The following GRIN2A variants were observed in gnomAD, a reference collection of about 807,000 sequenced individuals.
GRIN2A encodes glutamate receptor ionotropic, NMDA 2A.
In GRIN2A, 22 loss-of-function variants were observed where a neutral mutation model predicts 113.4. The ratio of observed to expected loss-of-function variants is 0.19; its 90% confidence interval spans 0.14 to 0.28. The LOEUF (loss-of-function observed/expected upper bound fraction) is 0.28, where lower values mean the gene tolerates loss of function less well. Ranked by LOEUF, GRIN2A falls within the 10% of genes least tolerant of loss-of-function variation. GRIN2A has a pLI of 1.00. For synonymous variants in GRIN2A, 827 were observed against 738.4 expected, an observed-to-expected ratio of 1.12 and a Z score of -1.94; for missense variants, 1,502 against 1,887.0, an observed-to-expected ratio of 0.80 and a Z score of 3.78.
At chr16:9,967,674 G>A (rs1315906477) in intron 2 of GRIN2A, among the ~76,000 whole-genome samples, 1 of 152,046 alleles carries the variant, frequency 6.6e-6, no homozygotes, top group Non-Finnish European at 1.5e-5. Flanking sequence ...CCATTGCACT[G>A]CATCCTGGGC....
intron 2 of GRIN2A, among the ~76,000 whole-genome samples, chr16:10,046,265 T>C (rs2047255396): frequency 6.6e-6 from 1 of 151,982 alleles, no homozygotes; most frequent in Admixed American, 6.6e-5. Context: ...CATATCTAGA[T>C]CACATCTTAT....
At chr16:9,954,251 G>C (rs2045254353) in intron 2 of GRIN2A, among the ~76,000 whole-genome samples, 1 of 152,102 alleles carries the variant, frequency 6.6e-6, no homozygotes, top group African/African-American at 2.4e-5. Context: ...TTTCACCCCG[G>C]ACATCACCTT....
At position 10,180,294 on chromosome 16, in the gene GRIN2A, G is replaced by C; in HGVS notation, c.118C>G (p.Leu40Val). 1.2e-6 allele frequency: 2 copies of C among 1,612,678 alleles called. No individual in the cohort carries two copies. Among genetic ancestry groups the C allele is most frequent in the Non-Finnish European group, 1.7e-6 (2 of 1,179,986 alleles). Residue 40 changes from leucine (L) to valine (V), a missense_variant, in exon 2 of 13, where the codon CTG (leucine) becomes GTG (valine). By Grantham distance (32) the Leu-to-Val change is conservative (BLOSUM62 1). Around this residue, in one of 7 missense-constraint regions of GRIN2A, gnomAD observed 149 missense variants for 179.1 expected, o/e 0.83. Coordinates refer to ENST00000330684, the MANE Select transcript of GRIN2A (RefSeq NM_001134407.3). This position sits in a 1 kb window ranked among gnomAD's most constrained non-coding sequence, Gnocchi z 7.0. The part of the protein sequence containing the change: ...GPPALNIAVM[L>V]GHSHDVTERE... ...TCTGTCACGTCGTGGCTGTGACCCA[G>C]CATCACCGCAATATTTAGCGCGGGG...
At chr16:9,966,789 C>G (rs1348374602) in intron 2 of GRIN2A, among the ~76,000 whole-genome samples, 1 of 152,160 alleles carries the variant, frequency 6.6e-6, no homozygotes, top group Non-Finnish European at 1.5e-5. Flanking sequence ...AAAACACAGA[C>G]TGACAATCCC....
chr16:9,975,278 T>C (rs1171674806), intron 2 of GRIN2A, among the ~76,000 whole-genome samples: 1 of 152,130 alleles, frequency 6.6e-6, no homozygotes, highest in Non-Finnish European at 1.5e-5. Context: ...TGTGTTATGT[T>C]ACATGAAAAA....
At chr16:10,143,379 C>A (rs28760575) in intron 2 of GRIN2A, among the ~76,000 whole-genome samples, 162 of 152,202 alleles carry the variant, frequency 1.1e-3, no homozygotes, top group African/African-American at 3.6e-3. Context: ...AGGAGCCATT[C>A]TACTATATTA....
At chr16:9,962,091 C>T (rs865860412) in intron 2 of GRIN2A, among the ~76,000 whole-genome samples, 19 of 152,158 alleles carry the variant, frequency 1.2e-4, no homozygotes, top group Admixed American at 2.6e-4. Context: ...CCCTTCCTTA[C>T]ACCTTATACA....
intron 11 of GRIN2A, among the ~76,000 whole-genome samples, chr16:9,785,656 T>C (rs1013942099): frequency 6.6e-6 from 1 of 151,942 alleles, no homozygotes; most frequent in African/African-American, 2.4e-5. Flanking sequence ...TTAAAAGTTA[T>C]AAAATATTAT....
intron 2 of GRIN2A, among the ~76,000 whole-genome samples, chr16:10,126,591 T>C (rs2048940836): frequency 6.6e-6 from 1 of 152,226 alleles, no homozygotes; most frequent in African/African-American, 2.4e-5. Context: ...ATTTTTCTTT[T>C]AGGGTGTTTT....
chr16:9,899,355 A>G (rs1159833854), intron 3 of GRIN2A, among the ~76,000 whole-genome samples: 2 of 147,874 alleles, frequency 1.4e-5, no homozygotes, highest in Non-Finnish European at 3.0e-5. Flanking sequence ...CAGGAGAACC[A>G]CTTGAATCCA....
At chr16:10,102,348 C>A (rs1419900777) in intron 2 of GRIN2A, among the ~76,000 whole-genome samples, 1 of 152,144 alleles carries the variant, frequency 6.6e-6, no homozygotes, top group African/African-American at 2.4e-5. Context: ...CTCTCTTGCT[C>A]TGTCTTTCAC....
chr16:9,932,335 A>G (rs1165443939), intron 3 of GRIN2A, among the ~76,000 whole-genome samples: 1 of 152,172 alleles, frequency 6.6e-6, no homozygotes. Context: ...TATGGCATGA[A>G]GAGACACTTA....
chr16:9,929,474 A>G (rs1004554222), intron 3 of GRIN2A, among the ~76,000 whole-genome samples: 2 of 152,184 alleles, frequency 1.3e-5, no homozygotes, highest in African/African-American at 4.8e-5. Context: ...TGTCAATTTT[A>G]TAGCCCAAAT....
chr16:9,977,318 G>T lies in GRIN2A; in HGVS notation c.415-38767C>A, dbSNP rs559132571. 1.5e-4 allele frequency among the ~76,000 whole-genome samples: 22 copies of T among 151,480 alleles called. 1 individual carries two copies. The highest frequency in any genetic ancestry group is 5.3e-4 in the African/African-American group (22 of 41,208). ...AAGGGAGGAAGGGGGGAGGGAGGGA[G>T]GACTGACCGGAGTTTGAATCCTGGG... On this transcript the variant is annotated intron_variant, in intron 2 of 12. Coordinates refer to ENST00000330684, the MANE Select transcript of GRIN2A (RefSeq NM_001134407.3).
In GRIN2A at chr16:10,057,339, G is replaced by C. The variant is rs186013305; in HGVS notation, c.415-118788C>G. ...CTGAACTTCAAGGTAAGTTCCCTAG[G>C]TATTCCTGCCACTTGTAACTATGTT... On this transcript the variant is annotated intron_variant, in intron 2 of 12. Coordinates refer to ENST00000330684, the MANE Select transcript of GRIN2A (RefSeq NM_001134407.3). 4.6e-3 allele frequency among the ~76,000 whole-genome samples: 705 copies of C among 152,216 alleles called. 6 individuals are homozygous for C. The highest frequency in any genetic ancestry group is 0.016 in the African/African-American group (668 of 41,516).
intron 2 of GRIN2A, among the ~76,000 whole-genome samples, chr16:9,945,541 G>C (rs565595969): frequency 6.6e-6 from 1 of 152,158 alleles, no homozygotes; most frequent in African/African-American, 2.4e-5. Context: ...CTAATTCCTA[G>C]GTCAACTGTA....
At chr16:10,092,977 T>C (rs1050020797) in intron 2 of GRIN2A, among the ~76,000 whole-genome samples, 1 of 151,964 alleles carries the variant, frequency 6.6e-6, no homozygotes, top group Non-Finnish European at 1.5e-5. Flanking sequence ...TAGCTGGGAT[T>C]ACAGGCACCC....
At chr16:9,862,389 G>A (rs2043085440) in intron 4 of GRIN2A, among the ~76,000 whole-genome samples, 1 of 152,078 alleles carries the variant, frequency 6.6e-6, no homozygotes, top group South Asian at 2.1e-4. Context: ...AGCATCAACT[G>A]TCTTAGAACC....
chr16:9,789,524 C>T (rs1424626796), intron 11 of GRIN2A, among the ~76,000 whole-genome samples: 1 of 151,058 alleles, frequency 6.6e-6, no homozygotes, highest in Non-Finnish European at 1.5e-5. Flanking sequence ...GAAAACAAAC[C>T]TTGGTTGATA....
Sources: allele counts gnomAD v4.1 joint callset (sites outside exome capture counted in the v4.1 genomes callset), GRCh38; gene constraint gnomAD v4.1.1; regional missense constraint gnomAD v4.1.1; non-coding constraint Gnocchi (gnomAD v3.1); transcripts MANE v1.5; gene names NCBI Gene and HGNC (gene_info 2026-07-23, HGNC 2026-07-21).